Variants in RRP15 observed in about 807,000 individuals in gnomAD.
RRP15 encodes the protein ribosomal RNA processing 15 homolog.
In RRP15, 18 loss-of-function variants were observed where a neutral mutation model predicts 27.1. The ratio of observed to expected loss-of-function variants is 0.66; its 90% CI spans 0.46 to 0.98. The LOEUF (loss-of-function observed/expected upper bound fraction) is 0.98, where lower values mean the gene tolerates loss of function less well. Ranked by LOEUF, RRP15 falls within the 50% of genes least tolerant of loss-of-function variation. The pLI is 0.00. For missense variants in RRP15, 359 were observed against 337.8 expected (o/e 1.06, Z -0.49); for synonymous variants, 107 against 109.4 (o/e 0.98, Z 0.14).
chr1:218,301,839 G>A (rs1038413870), intron 1 of RRP15: 1 of 152,848 alleles, frequency 6.5e-6, no homozygotes, highest in Non-Finnish European at 1.5e-5. Flanking sequence ...AAATCCCTTA[G>A]AAGATTTATT....
At chr1:218,304,953 A>C in intron 2 of RRP15, 75 bp from the exon 3 acceptor site, 1 of 1,326,086 alleles carries the variant, frequency 7.5e-7, no homozygotes, top group Non-Finnish European at 1.1e-6. Flanking sequence ...ACCCTTTCAC[A>C]GAGTATCATA....
chr1:218,287,957 A>G (rs1398382222), intron 1 of RRP15, among the ~76,000 whole-genome samples: 1 of 152,224 alleles, frequency 6.6e-6, no homozygotes, highest in Admixed American at 6.5e-5. Flanking sequence ...ATAAAAGCAT[A>G]TACAGTGGCA....
At position 218,285,387 on chromosome 1, in the gene RRP15, T is replaced by G. The variant is rs1226111082; in HGVS notation, c.71T>G (p.Met24Arg). 6.2e-7 allele frequency: 1 copy of G among 1,613,758 alleles called. No individual in the cohort carries two copies. Among genetic ancestry groups the G allele is most frequent in the East Asian group, 2.2e-5 (1 of 44,848 alleles). Reference protein sequence around the residue: ...ENLKKTPKKKMKMVTGAVASV... With the variant: ...ENLKKTPKKKRKMVTGAVASV... ...CTGAAAAAGACCCCAAAGAAGAAGA[T>G]GAAAATGGTAACTGGAGCCGTAGCG... Residue 24 changes from methionine to arginine, a missense_variant, in exon 1 of 5, where the codon ATG becomes AGG. Transcript: ENST00000366932.
At chr1:218,309,874 A>C (rs1309612872) in intron 4 of RRP15, among the ~76,000 whole-genome samples, 1 of 152,156 alleles carries the variant, frequency 6.6e-6, no homozygotes, top group Admixed American at 6.6e-5. Flanking sequence ...CATTAGTTAC[A>C]CCAGCTCTAA....
At chr1:218,309,412 C>T (rs1216337378) in intron 4 of RRP15, among the ~76,000 whole-genome samples, 8 of 152,026 alleles carry the variant, frequency 5.3e-5, no homozygotes, top group Non-Finnish European at 1.2e-4. Context: ...TGGCTGGATG[C>T]GGTGGCTCAT....
intron 4 of RRP15, among the ~76,000 whole-genome samples, chr1:218,308,228 CCTCCGG>C (rs796227149): frequency 7.8e-4 from 118 of 151,698 alleles, no homozygotes; most frequent in African/African-American, 2.6e-3. Flanking sequence ...CATGCCATCA[CCTCCGG>C]CTAATTTTTG....
At chr1:218,318,356 T>A (rs1656122622) in intron 4 of RRP15, among the ~76,000 whole-genome samples, 1 of 152,252 alleles carries the variant, frequency 6.6e-6, no homozygotes, top group South Asian at 2.1e-4. Context: ...TGATTCTGTC[T>A]TGTTCTCTTT....
At chr1:218,301,401 G>A (rs1655808541) in intron 1 of RRP15, 2 of 152,230 alleles carry the variant, frequency 1.3e-5, no homozygotes, top group African/African-American at 2.4e-5. Context: ...AATGCTGGGT[G>A]CTTGTGCTCT....
rs1400151584 is a variant in RRP15 at position 218,337,028 on chromosome 1, T to C, written c.*5937T>C. 6.6e-6 allele frequency: 1 copy of C among 152,208 alleles called. No homozygotes were observed. Among genetic ancestry groups the C allele is most frequent in the Non-Finnish European group, 1.5e-5 (1 of 68,030 alleles). The allele number at this position is 152,208 out of a possible 1,614,324, so 9.4% of individuals were successfully genotyped here. On this transcript the variant is annotated 3_prime_UTR_variant, in exon 5 of 5. Transcript: ENST00000366932. ...AGTTCAGTTTTGAGTCCTACTAGTTTTGTTTCCTTGTGTAAGTTTCTTAAC... is the reference window on the plus strand; with the variant it reads ...AGTTCAGTTTTGAGTCCTACTAGTTCTGTTTCCTTGTGTAAGTTTCTTAAC...
intron 4 of RRP15, among the ~76,000 whole-genome samples, chr1:218,320,718 C>G (rs947132397): frequency 3.3e-5 from 5 of 151,584 alleles, no homozygotes; most frequent in African/African-American, 1.2e-4. Flanking sequence ...CTTCATAGCT[C>G]CTATCTCAGG....
intron 1 of RRP15, among the ~76,000 whole-genome samples, chr1:218,293,481 A>C (rs1246347034): frequency 6.6e-6 from 1 of 152,194 alleles, no homozygotes; most frequent in Non-Finnish European, 1.5e-5. Flanking sequence ...TGTGTAAATT[A>C]CAGATATATT....
chr1:218,327,701 T>A lies in RRP15; in HGVS notation c.706-3247T>A, dbSNP rs77586119. ...AACACTTGTTTTTATAAATTTTCTA[T>A]TGTGTCTTTTTTTTCCAAATTGTTG... On this transcript the variant is annotated intron_variant, in intron 4 of 4. Transcript: ENST00000366932. 8.7e-3 allele frequency among the ~76,000 whole-genome samples: 1,318 copies of A among 152,332 alleles called. 21 individuals carry two copies. The highest frequency in any genetic ancestry group is 0.029 in the African/African-American group (1,217 of 41,580).
intron 1 of RRP15, 103 bp from the exon 2 acceptor site, chr1:218,302,191 C>A: frequency 1.2e-6 from 1 of 829,256 alleles, no homozygotes; most frequent in Non-Finnish European, 2.0e-6. Context: ...ACCCCCCTTG[C>A]AAAAATGGGG....
At position 218,336,252 on chromosome 1, in the gene RRP15, A is replaced by T. The variant is rs1295249141; in HGVS notation, c.*5161A>T. On this transcript the variant is annotated 3_prime_UTR_variant, in exon 5 of 5. Transcript: ENST00000366932. ...TGTAGGTTGCAGATTCAGGCAAAAC[A>T]CACACACACACACACACAAAACCCT... 6.7e-6 allele frequency: 1 copy of T among 150,366 alleles called. No individual in the cohort carries two copies. The highest frequency in any genetic ancestry group is 1.5e-5 in the Non-Finnish European group (1 of 67,222). The allele number at this position is 150,366 out of a possible 1,614,324, so 9.3% of individuals were successfully genotyped here.
chr1:218,334,813 T>C lies in RRP15; in HGVS notation c.*3722T>C, dbSNP rs1327094961. Reference sequence around the variant, plus strand: ...TTTTGGAAACAGGAGAGAGAACTACTTCGTGCCTATAAAAAGCTCTCTCAC... The same window carrying C: ...TTTTGGAAACAGGAGAGAGAACTACCTCGTGCCTATAAAAAGCTCTCTCAC... On this transcript the variant is annotated 3_prime_UTR_variant, in exon 5 of 5. Transcript: ENST00000366932. 1 of 152,220 alleles carries C rather than the reference T, an allele frequency of 6.6e-6. No homozygotes were observed. Among genetic ancestry groups the C allele is most frequent in the Non-Finnish European group, 1.5e-5 (1 of 68,036 alleles). The allele number at this position is 152,220 out of a possible 1,614,324, so 9.4% of individuals were successfully genotyped here. A position where few individuals can be genotyped will look rare whatever the true frequency, so the allele number is the denominator to read the frequency against.
At chr1:218,319,387 T>C (rs958664320) in intron 4 of RRP15, among the ~76,000 whole-genome samples, 1 of 152,178 alleles carries the variant, frequency 6.6e-6, no homozygotes, top group Non-Finnish European at 1.5e-5. Flanking sequence ...TAAAATGTCA[T>C]GGACATAGGG....
chr1:218,306,449 C>T (rs1190530128), intron 3 of RRP15, among the ~76,000 whole-genome samples: 1 of 152,160 alleles, frequency 6.6e-6, no homozygotes, highest in Non-Finnish European at 1.5e-5. Context: ...CTCAAGGTCA[C>T]TACCTACAAA....
intron 4 of RRP15, among the ~76,000 whole-genome samples, chr1:218,330,010 TGGGTTCTTGTACCTTA>T (rs1274470827): frequency 1.3e-5 from 2 of 152,140 alleles, no homozygotes; most frequent in African/African-American, 4.8e-5. Context: ...CCAAATGTCA[TGGGTTCTTGTACCTTA>T]GGTTTTTACA....
Position 218,336,118 on chromosome 1 carries a change from G to C in RRP15, c.*5027G>C, listed in dbSNP as rs1656443729. Reference sequence around the variant, plus strand: ...CCCATGTTTTTCACTTATATCTAGAGGCCTACTTATTTAGGAGGTTTCCTA... The same window carrying C: ...CCCATGTTTTTCACTTATATCTAGACGCCTACTTATTTAGGAGGTTTCCTA... On this transcript the variant is annotated 3_prime_UTR_variant, in exon 5 of 5. Transcript: ENST00000366932. 3 of 152,106 alleles carry C rather than the reference G, an allele frequency of 2.0e-5. No homozygotes were observed. The highest frequency in any genetic ancestry group is 7.2e-5 in the African/African-American group (3 of 41,486). 9.4% of individuals were successfully genotyped at this position (152,106 alleles called of 1,614,324 possible). A position where few individuals can be genotyped will look rare whatever the true frequency, so the allele number is the denominator to read the frequency against.
Sources: allele counts gnomAD v4.1 joint callset (sites outside exome capture counted in the v4.1 genomes callset), GRCh38; gene constraint gnomAD v4.1.1; transcripts MANE v1.5; gene names NCBI Gene and HGNC (gene_info 2026-07-23, HGNC 2026-07-21).